The following OR7E24 variants were observed in gnomAD, a reference collection of about 807,000 sequenced individuals.
OR7E24 encodes the protein olfactory receptor 7E24.
For missense variants in OR7E24, 385 were observed against 410.3 expected (o/e 0.94, Z 0.53); for synonymous variants, 130 against 157.5 (o/e 0.83, Z 1.31).
chr19:9,215,258 G>T, the OR7E24 span, among the ~76,000 whole-genome samples: 7 of 147,626 alleles, frequency 4.7e-5, no homozygotes, highest in African/African-American at 9.9e-5. Context: ...CAGGAGAATC[G>T]CTTGAACCCA....
chr19:9,221,374 G>T, the OR7E24 span, among the ~76,000 whole-genome samples: 1 of 82,616 alleles, frequency 1.2e-5, no homozygotes, highest in Non-Finnish European at 2.1e-5. Context: ...TTTTTGAGAC[G>T]GAGTCTCGCT....
the OR7E24 span, among the ~76,000 whole-genome samples, chr19:9,241,212 T>C: frequency 6.6e-6 from 1 of 152,352 alleles, no homozygotes; most frequent in East Asian, 1.9e-4. Flanking sequence ...TGGAAGGGTT[T>C]AGTTTGTTGT....
upstream of OR7E24, among the ~76,000 whole-genome samples, chr19:9,242,786 G>C (rs1437522939): frequency 1.3e-5 from 2 of 152,052 alleles, no homozygotes; most frequent in African/African-American, 4.8e-5. Flanking sequence ...CTGAGACGTT[G>C]CTTCCTTCTT....
chr19:9,247,815 G>A (rs1468027596), upstream of OR7E24, among the ~76,000 whole-genome samples: 1 of 152,140 alleles, frequency 6.6e-6, no homozygotes, highest in African/African-American at 2.4e-5. Context: ...ATCCTATTGG[G>A]TGGTATCTCA....
the OR7E24 span, among the ~76,000 whole-genome samples, chr19:9,228,466 T>C: frequency 3.5e-5 from 5 of 144,434 alleles, no homozygotes; most frequent in Admixed American, 6.6e-5. Context: ...TTCTCTCTTC[T>C]CTCCGCTTCC....
At chr19:9,219,447 A>C in the OR7E24 span, 8 of 152,158 alleles carry the variant, frequency 5.3e-5, no homozygotes, top group Non-Finnish European at 1.2e-4. Context: ...TAAGTATGGG[A>C]CTTTCCAGGC....
chr19:9,237,397 G>A, the OR7E24 span, among the ~76,000 whole-genome samples: 2 of 151,922 alleles, frequency 1.3e-5, no homozygotes, highest in African/African-American at 4.8e-5. Flanking sequence ...TGCAAGCTCC[G>A]CCTCCCGGGT....
the OR7E24 span, chr19:9,235,742 A>G: frequency 1.2e-6 from 2 of 1,606,464 alleles, no homozygotes; most frequent in Non-Finnish European, 1.7e-6. Context: ...ATTGTCTTGT[A>G]TGTGGCCATG....
At chr19:9,217,897 G>A in the OR7E24 span, among the ~76,000 whole-genome samples, 2 of 152,130 alleles carry the variant, frequency 1.3e-5, no homozygotes, top group African/African-American at 4.8e-5. Context: ...TAGGCTGACA[G>A]AAGAGAATTC....
At chr19:9,233,577 G>C in the OR7E24 span, among the ~76,000 whole-genome samples, 7 of 152,324 alleles carry the variant, frequency 4.6e-5, no homozygotes, top group African/African-American at 1.4e-4. Context: ...TCTGAAGGAA[G>C]GAGTCACAGG....
chr19:9,247,320 C>G (rs1415641354), upstream of OR7E24: 1 of 395,336 alleles, frequency 2.5e-6, no homozygotes, highest in East Asian at 3.6e-5. Context: ...AAATACTCAG[C>G]CTATGCCTCC....
At chr19:9,222,783 C>G in the OR7E24 span, among the ~76,000 whole-genome samples, 4 of 152,062 alleles carry the variant, frequency 2.6e-5, no homozygotes, top group African/African-American at 9.7e-5. Flanking sequence ...GTTTGGATGT[C>G]TTTTATTTTT....
chr19:9,243,344 ATTTT>A (rs58510880), upstream of OR7E24, among the ~76,000 whole-genome samples: 2 of 138,960 alleles, frequency 1.4e-5, no homozygotes, highest in African/African-American at 5.3e-5. Context: ...TTGCTCTGGC[ATTTT>A]TTTTTTTTTT....
chr19:9,211,222 C>A, the OR7E24 span: 1 of 152,292 alleles, frequency 6.6e-6, no homozygotes, highest in African/African-American at 2.4e-5. Flanking sequence ...CCTGCAAGAA[C>A]CTAAACCCTA....
chr19:9,229,566 A>G, the OR7E24 span, among the ~76,000 whole-genome samples: 1 of 151,980 alleles, frequency 6.6e-6, no homozygotes, highest in South Asian at 2.1e-4. Context: ...AAAGAAAAAA[A>G]GAAATTAAAC....
chr19:9,237,368 T>C, the OR7E24 span, among the ~76,000 whole-genome samples: 3 of 152,266 alleles, frequency 2.0e-5, no homozygotes, highest in Non-Finnish European at 4.4e-5. Context: ...TGGAGTGCAG[T>C]GGCACGATCT....
chr19:9,247,188 G>C (rs923795705), upstream of OR7E24, among the ~76,000 whole-genome samples: 1 of 152,118 alleles, frequency 6.6e-6, no homozygotes, highest in African/African-American at 2.4e-5. Flanking sequence ...AGCTTCTGTG[G>C]ACATTCATTT....
the OR7E24 span, among the ~76,000 whole-genome samples, chr19:9,234,219 T>C: frequency 6.6e-6 from 1 of 152,140 alleles, no homozygotes; most frequent in African/African-American, 2.4e-5. Context: ...TTTCTTAAGG[T>C]CACACAATAG....
the OR7E24 span, among the ~76,000 whole-genome samples, chr19:9,242,113 G>A: frequency 6.6e-6 from 1 of 152,190 alleles, no homozygotes; most frequent in African/African-American, 2.4e-5. Context: ...AAACTTGGTT[G>A]TGTTCTTGTT....
Sources: allele counts gnomAD v4.1 joint callset (sites outside exome capture counted in the v4.1 genomes callset), GRCh38; gene constraint gnomAD v4.1.1; transcripts MANE v1.5; gene names NCBI Gene and HGNC (gene_info 2026-07-23, HGNC 2026-07-21).